The following CANX variants were observed in gnomAD, a reference collection of about 807,000 sequenced individuals.
The protein encoded by CANX is calnexin, also known as epididymis secretory sperm binding protein.
A neutral mutation model predicts 75.7 loss-of-function variants in CANX; 14 were observed. The observed-to-expected ratio is 0.19, with a 90% CI of 0.12 to 0.29. The LOEUF (loss-of-function observed/expected upper bound fraction) is 0.29, where lower values mean the gene tolerates loss of function less well. Ranked by LOEUF, CANX falls within the 10% of genes least tolerant of loss-of-function variation. The pLI is 1.00. For synonymous variants in CANX, 227 were observed against 236.9 expected (o/e 0.96, Z 0.38); for missense variants, 567 against 713.2 (o/e 0.79, Z 2.34).
Position 179,706,286 on chromosome 5 carries a change from G to C in CANX, c.200G>C (p.Gly67Ala), listed in dbSNP as rs773937151. ...KVTYKAPVPT[G>A]EVYFADSFDR... ...ACTTACAAAGCTCCAGTTCCAACAG[G>C]GGAAGTATATTTTGCTGATTCTTTT... is the stretch of plus-strand genomic sequence containing the variant. The change falls in exon 3 of 15, where the codon GGG becomes GCG. Residue 67 changes from glycine to alanine, a missense_variant. Physicochemically the swap from Gly to Ala is moderately conservative, Grantham distance 60 (BLOSUM62 0). Around this residue, in one of 3 missense-constraint regions of CANX, gnomAD observed 351 missense variants for 433.8 expected, o/e 0.81. Coordinates refer to ENST00000247461, the MANE Select transcript of CANX (RefSeq NM_001746.4). 1.9e-6 allele frequency: 3 copies of C among 1,599,858 alleles called. No individual in the cohort carries two copies. In the East Asian group the frequency reaches 6.7e-5, roughly 36 times the overall value.
chr5:179,682,916 G>T (rs933818825), intron 1 of CANX, among the ~76,000 whole-genome samples: 1 of 152,084 alleles, frequency 6.6e-6, no homozygotes, highest in Non-Finnish European at 1.5e-5. Context: ...GAGGGAAGTG[G>T]CTGGGCATGT....
upstream of CANX, chr5:179,694,904 GGA>G: frequency 9.8e-6 from 3 of 307,296 alleles, no homozygotes; most frequent in Non-Finnish European, 1.8e-5. Flanking sequence ...AGGGAAGGAT[GGA>G]GAGACAAGCT....
In CANX at chr5:179,720,422, A is replaced by T. The variant is rs762608945; in HGVS notation, c.1044A>T (p.Gly348=). 1 of 1,613,950 alleles carries T rather than the reference A, an allele frequency of 6.2e-7. No homozygotes were observed. The highest frequency in any genetic ancestry group is 1.1e-5 in the South Asian group (1 of 91,080). The stretch of plus-strand genomic sequence containing the variant: ...TCCGTAGGGATGAAGACATGGATGG[A>T]GAATGGGAGGCTCCTCAGATTGCCA... ...KPEDWDEDMD[G]EWEAPQIANP... is the part of the protein sequence containing the mutation. Residue 348 remains glycine, a synonymous_variant, in exon 10 of 15, where the codon GGA becomes GGT. Coordinates refer to ENST00000247461, the MANE Select transcript of CANX (RefSeq NM_001746.4).
intron 7 of CANX, among the ~76,000 whole-genome samples, chr5:179,714,361 G>A (rs1777780419): frequency 6.6e-6 from 1 of 152,036 alleles, no homozygotes; most frequent in Non-Finnish European, 1.5e-5. Context: ...CACGTACCCC[G>A]AAAATATGTA....
At chr5:179,710,259 CT>C (rs1380536246) in intron 7 of CANX, among the ~76,000 whole-genome samples, 194 bp downstream of exon 7, 2 of 151,510 alleles carry the variant, frequency 1.3e-5, no homozygotes, top group Middle Eastern at 3.4e-3. Context: ...TTCACCTCTA[CT>C]AAAAATACAA....
intron 7 of CANX, among the ~76,000 whole-genome samples, chr5:179,715,143 C>T (rs979565741): frequency 6.6e-6 from 1 of 152,190 alleles, no homozygotes; most frequent in Non-Finnish European, 1.5e-5. Context: ...GCATAGGATT[C>T]CTTGTTTGGA....
At chr5:179,710,295 C>T (rs567585920) in intron 7 of CANX, among the ~76,000 whole-genome samples, 99 of 151,638 alleles carry the variant, frequency 6.5e-4, no homozygotes, top group African/African-American at 2.0e-3. Flanking sequence ...TGGTGGTGCA[C>T]GCCTGTAACC....
intron 1 of CANX, among the ~76,000 whole-genome samples, chr5:179,701,496 G>A (rs1776754065): frequency 6.6e-6 from 1 of 151,652 alleles, no homozygotes; most frequent in African/African-American, 2.4e-5. Flanking sequence ...ACTAAACCTG[G>A]AAGGCGGAGG....
intron 13 of CANX, among the ~76,000 whole-genome samples, chr5:179,726,425 A>T (rs991616542): frequency 1.1e-4 from 16 of 151,914 alleles, no homozygotes; most frequent in Non-Finnish European, 2.1e-4. Context: ...AAATAAAAAA[A>T]GTTAGCCGGG....
At chr5:179,723,563 C>T (rs1304464774) in intron 11 of CANX, 97 bp from the exon 12 acceptor site, 12 of 1,248,342 alleles carry the variant, frequency 9.6e-6, no homozygotes, top group African/African-American at 6.1e-5. Flanking sequence ...GAAGGTCCTG[C>T]GTAGTGCCAT....
chr5:179,708,812 G>A (rs1777328009), intron 5 of CANX, among the ~76,000 whole-genome samples, 166 bp from the exon 6 acceptor site: 1 of 152,086 alleles, frequency 6.6e-6, no homozygotes, highest in Non-Finnish European at 1.5e-5. Flanking sequence ...TTATTTTTGT[G>A]GCATTTGATA....
chr5:179,711,390 G>A (rs1476653604), intron 7 of CANX, among the ~76,000 whole-genome samples: 1 of 151,898 alleles, frequency 6.6e-6, no homozygotes, highest in Admixed American at 6.6e-5. Context: ...CCACTGCACT[G>A]TAGCCTGGGT....
intron 1 of CANX, among the ~76,000 whole-genome samples, chr5:179,693,389 T>G (rs1349540133): frequency 4.4e-5 from 3 of 68,640 alleles, no homozygotes; most frequent in African/African-American, 1.1e-4. Context: ...AAAATAAAAA[T>G]TAGGCTGGGC....
upstream of CANX, among the ~76,000 whole-genome samples, chr5:179,696,565 T>C (rs1297622068): frequency 2.0e-5 from 3 of 152,168 alleles, no homozygotes; most frequent in East Asian, 5.8e-4. Context: ...CGTGAGCCAC[T>C]GTGCCTGGCC....
intron 6 of CANX, 183 bp from the exon 7 acceptor site, chr5:179,709,690 T>C (rs1777394775): frequency 1.1e-5 from 5 of 473,650 alleles, no homozygotes; most frequent in Non-Finnish European, 1.9e-5. Context: ...TTAAACGTTA[T>C]TTTAAATTTA....
chr5:179,713,818 G>GTATA (rs1777741719), intron 7 of CANX, among the ~76,000 whole-genome samples: 1 of 152,078 alleles, frequency 6.6e-6, no homozygotes, highest in Non-Finnish European at 1.5e-5. Context: ...GGAGGCTGTG[G>GTATA]TATAAAAGGA....
rs1292746299 is a variant in CANX, at chr5:179,705,824, A to T, written c.143A>T (p.Asp48Val). 5 of 1,613,750 alleles carry T rather than the reference A, an allele frequency of 3.1e-6. No individual in the cohort carries two copies. The highest frequency in any genetic ancestry group is 4.2e-6 in the Non-Finnish European group (5 of 1,179,682). The change falls in exon 2 of 15, where the codon GAT becomes GTT. Residue 48 changes from aspartate (D) to valine (V), a missense_variant. Asp to Val is a radical substitution (Grantham distance 152). This residue lies in a region of CANX where 351 missense variants were observed against 433.8 expected (regional missense o/e 0.81). Transcript: ENST00000247461. The stretch of plus-strand genomic sequence containing the variant: ...GAAGAGGTAGAAGACTCAAAACCAG[A>T]TACCACTGCTCCTCCTTCATCTCCC... ...VIEEVEDSKP[D>V]TTAPPSSPKV...
At chr5:179,682,538 C>T (rs1776094105) in intron 1 of CANX, among the ~76,000 whole-genome samples, 1 of 151,796 alleles carries the variant, frequency 6.6e-6, no homozygotes, top group Non-Finnish European at 1.5e-5. Context: ...TGGAGAAACA[C>T]CATCTCTTCT....
chr5:179,709,824 G>T, intron 6 of CANX, 49 bp from the exon 7 acceptor site: 1 of 1,269,360 alleles, frequency 7.9e-7, no homozygotes, highest in South Asian at 1.6e-5. Context: ...CGTTGCTTTT[G>T]AACACTTTGA....
Sources: gnomAD v4.1 joint callset for allele counts (sites outside exome capture counted in the v4.1 genomes callset) on GRCh38, gnomAD v4.1.1 for gene constraint, gnomAD v4.1.1 regional missense constraint, MANE v1.5 for transcripts, NCBI Gene and HGNC (gene_info 2026-07-23, HGNC 2026-07-21) for gene names.